SLC9A9: variants seen among roughly 807,000 people sequenced by gnomAD.
The protein encoded by SLC9A9 is solute carrier family 9 member A9, also known as sodium/hydrogen exchanger 9.
SLC9A9 carries 62 observed loss-of-function variants against 77.8 expected under a neutral mutation model. That is an observed-to-expected ratio of 0.80 (90% CI 0.65 to 0.98). The LOEUF (loss-of-function observed/expected upper bound fraction) is 0.98, where lower values mean the gene tolerates loss of function less well. SLC9A9 is among the 50% of genes least tolerant of loss of function. The pLI, the probability that SLC9A9 is intolerant of heterozygous loss-of-function variation, is 0.00. For synonymous variants in SLC9A9, 320 were observed against 283.5 expected (o/e 1.13, Z -1.29); for missense variants, 775 against 774.9 (o/e 1.00, Z 0.00).
rs529130022 is a variant in SLC9A9, at chr3:143,569,689, T to C, written c.1000+4399A>G. Among the ~76,000 whole-genome samples, 6 of 152,230 alleles carry C rather than the reference T, an allele frequency of 3.9e-5. No homozygotes were observed. In the South Asian group the frequency reaches 8.3e-4, roughly 21 times the overall value. On this transcript the variant is annotated intron_variant, in intron 8 of 15. Transcript: ENST00000316549. ...ACCACATAAAACTTGAAAATGCCTA[T>C]GCCAACCCCTTTCCCTTACCCAAAC... is the stretch of plus-strand genomic sequence containing the variant.
intron 6 of SLC9A9, among the ~76,000 whole-genome samples, chr3:143,617,361 A>G (rs572077723): frequency 6.6e-6 from 1 of 152,322 alleles, no homozygotes; most frequent in African/African-American, 2.4e-5. Context: ...TCAAAACCCT[A>G]TGGCCCATAA....
At chr3:143,672,708 AAAATGCCCTG>A (rs1276243645) in intron 5 of SLC9A9, among the ~76,000 whole-genome samples, 1 of 152,230 alleles carries the variant, frequency 6.6e-6, no homozygotes, top group African/African-American at 2.4e-5. Context: ...AGGATTCAGC[AAAATGCCCTG>A]TTTAATTAAA....
chr3:143,802,707 C>T (rs539746109), intron 2 of SLC9A9, among the ~76,000 whole-genome samples: 11 of 152,292 alleles, frequency 7.2e-5, no homozygotes, highest in Admixed American at 1.3e-4. Flanking sequence ...CCCTTACCAT[C>T]CTCAATCTTC....
chr3:143,266,949 G>C lies in SLC9A9; in HGVS notation c.1711-20C>G. 6.2e-7 allele frequency: 1 copy of C among 1,611,634 alleles called. No homozygotes were observed. Among genetic ancestry groups the C allele is most frequent in the Non-Finnish European group, 8.5e-7 (1 of 1,177,872 alleles). Reference sequence around the variant, plus strand: ...CTGTTCCTGGTTGGGAAAAGAGAGAGAGGTGTCACTTCATGATGAAGGCAG... The same window carrying C: ...CTGTTCCTGGTTGGGAAAAGAGAGACAGGTGTCACTTCATGATGAAGGCAG... On this transcript the variant is annotated intron_variant, in intron 15 of 15. Coordinates refer to ENST00000316549, the MANE Select transcript of SLC9A9 (RefSeq NM_173653.4).
At chr3:143,726,063 G>T (rs1230913135) in intron 4 of SLC9A9, among the ~76,000 whole-genome samples, 1 of 151,510 alleles carries the variant, frequency 6.6e-6, no homozygotes, top group Non-Finnish European at 1.5e-5. Context: ...TTTTACAGTT[G>T]TCCTCTAACA....
intron 6 of SLC9A9, among the ~76,000 whole-genome samples, chr3:143,598,954 A>G (rs1475125669): frequency 6.6e-6 from 1 of 152,224 alleles, no homozygotes; most frequent in Non-Finnish European, 1.5e-5. Context: ...TTTTGAGGCC[A>G]TTGATTTGCT....
At chr3:143,365,932 T>TC (rs982957153) in intron 13 of SLC9A9, among the ~76,000 whole-genome samples, 9 of 151,540 alleles carry the variant, frequency 5.9e-5, no homozygotes, top group Middle Eastern at 3.2e-3. Flanking sequence ...TTTCCTTTTT[T>TC]CCCACCCTTT....
At chr3:143,546,013 T>A (rs371341275) in intron 9 of SLC9A9, among the ~76,000 whole-genome samples, 1 of 152,234 alleles carries the variant, frequency 6.6e-6, no homozygotes, top group East Asian at 1.9e-4. Flanking sequence ...CAATCATTCA[T>A]TTTACAGATG....
intron 13 of SLC9A9, among the ~76,000 whole-genome samples, chr3:143,374,441 A>AG (rs1231507272): frequency 4.7e-5 from 7 of 149,828 alleles, no homozygotes; most frequent in Admixed American, 3.3e-4. Flanking sequence ...AAAAAAAAAA[A>AG]AAAAAGAAAA....
At chr3:143,845,961 G>A (rs185429876) in intron 1 of SLC9A9, among the ~76,000 whole-genome samples, 104 of 152,256 alleles carry the variant, frequency 6.8e-4, no homozygotes, top group Non-Finnish European at 1.0e-3. Flanking sequence ...TAAACTTTAA[G>A]CCTTTATCTG....
At chr3:143,316,982 G>A (rs2031236369) in intron 14 of SLC9A9, among the ~76,000 whole-genome samples, 2 of 152,030 alleles carry the variant, frequency 1.3e-5, no homozygotes, top group South Asian at 4.2e-4. Flanking sequence ...CTGATCCTAG[G>A]GTTGCAGTGA....
At chr3:143,393,936 C>T (rs2033634116) in intron 12 of SLC9A9, among the ~76,000 whole-genome samples, 1 of 151,890 alleles carries the variant, frequency 6.6e-6, no homozygotes, top group Admixed American at 6.6e-5. Context: ...CAATATGAGG[C>T]TCTGAAATTG....
intron 5 of SLC9A9, among the ~76,000 whole-genome samples, chr3:143,684,099 TA>T (rs772189043): frequency 4.6e-5 from 7 of 152,082 alleles, no homozygotes; most frequent in Non-Finnish European, 7.4e-5. Context: ...GTGAGTCAGA[TA>T]AAATGAAGAT....
At chr3:143,738,161 A>T (rs1934991213) in intron 4 of SLC9A9, among the ~76,000 whole-genome samples, 3 of 152,336 alleles carry the variant, frequency 2.0e-5, no homozygotes, top group Middle Eastern at 6.8e-3. Context: ...GGGAGACAGG[A>T]AGAAGTCAGA....
rs1485331868 is a variant in SLC9A9 at position 143,814,160 on chromosome 3, G to A, written c.379-17257C>T. ...TCTGCACCTGGGTGAGTGACTGAGA[G>A]AATATGGCTGAGGAGGAGCTGACTC... On this transcript the variant is annotated intron_variant, in intron 2 of 15. Coordinates refer to ENST00000316549, the MANE Select transcript of SLC9A9 (RefSeq NM_173653.4). Among the ~76,000 whole-genome samples the A allele has an allele frequency of 3.9e-5, 6 of 152,296 alleles. 1 individual carries two copies. The highest frequency in any genetic ancestry group is 4.1e-4 in the South Asian group (2 of 4,826).
intron 1 of SLC9A9, among the ~76,000 whole-genome samples, chr3:143,839,464 C>T (rs567972886): frequency 6.6e-6 from 1 of 151,600 alleles, no homozygotes; most frequent in Non-Finnish European, 1.5e-5. Context: ...TGTCTAATGT[C>T]CACAATCCAT....
At chr3:143,463,878 C>T (rs960078722) in intron 12 of SLC9A9, among the ~76,000 whole-genome samples, 2 of 152,096 alleles carry the variant, frequency 1.3e-5, no homozygotes, top group Non-Finnish European at 2.9e-5. Flanking sequence ...AACATAGGAT[C>T]ATTACTGTTT....
rs2008686803 is a variant in SLC9A9, at chr3:143,805,517, G to A, written c.379-8614C>T. Among the ~76,000 whole-genome samples, 5 of 152,244 alleles carry A rather than the reference G, an allele frequency of 3.3e-5. No homozygotes were observed. In the South Asian group the frequency reaches 1.0e-3, roughly 32 times the overall value. ...CCCAAGCTAAGCCATCTTATCCCCT[G>A]TGACCTTCACTTATACGTCCAGATG... On this transcript the variant is annotated intron_variant, in intron 2 of 15. Coordinates refer to ENST00000316549, the MANE Select transcript of SLC9A9 (RefSeq NM_173653.4).
chr3:143,743,250 GA>G (rs1935122559), intron 4 of SLC9A9, among the ~76,000 whole-genome samples: 1 of 78,620 alleles, frequency 1.3e-5, no homozygotes, highest in Non-Finnish European at 3.3e-5. Flanking sequence ...TGGATAGATA[GA>G]TAGATAGATA....
Sources: allele counts gnomAD v4.1 joint callset (sites outside exome capture counted in the v4.1 genomes callset), GRCh38; gene constraint gnomAD v4.1.1; transcripts MANE v1.5; gene names NCBI Gene and HGNC (gene_info 2026-07-23, HGNC 2026-07-21).